The following MGMT variants were observed in gnomAD, a reference collection of about 807,000 sequenced individuals.
MGMT encodes methylated-DNA--protein-cysteine methyltransferase.
MGMT carries 14 observed loss-of-function variants against 15.9 expected under a neutral mutation model. That is an observed-to-expected ratio of 0.88 (90% CI 0.58 to 1.37). The LOEUF is 1.37. Among genes scored for constraint, MGMT ranks in the 40% most tolerant of loss-of-function variants. The pLI is 0.00. For synonymous variants in MGMT, 130 were observed against 118.2 expected (o/e 1.10, Z -0.65); for missense variants, 282 against 268.1 (o/e 1.05, Z -0.36).
In MGMT at chr10:129,670,468, G is replaced by A. The variant is rs142362142; in HGVS notation, c.126-37427G>A. On this transcript the variant is annotated intron_variant, in intron 2 of 4. Coordinates refer to ENST00000651593, the MANE Select transcript of MGMT (RefSeq NM_002412.5). Reference sequence around the variant, plus strand: ...AGCTTTCAAAATAAGAAACCACAAAGAAGAGAAAATTGAAACATAGACCTA... The same window carrying A: ...AGCTTTCAAAATAAGAAACCACAAAAAAGAGAAAATTGAAACATAGACCTA... Among the ~76,000 whole-genome samples the A allele has an allele frequency of 7.2e-5, 11 of 152,062 alleles. No individual in the cohort carries two copies. In the East Asian group the frequency reaches 1.9e-3, roughly 27 times the overall value.
intron 2 of MGMT, among the ~76,000 whole-genome samples, chr10:129,589,671 G>A (rs1050943512): frequency 6.6e-6 from 1 of 152,222 alleles, no homozygotes; most frequent in Non-Finnish European, 1.5e-5. Flanking sequence ...GGCCTGCGGC[G>A]GGGCTGCTTA....
At position 129,556,201 on chromosome 10, in the gene MGMT, T is replaced by A. The variant is rs1846211375; in HGVS notation, c.125+19824T>A. Among the ~76,000 whole-genome samples the A allele has an allele frequency of 6.6e-6, 1 of 152,132 alleles. No homozygotes were observed. Among genetic ancestry groups the A allele is most frequent in the Non-Finnish European group, 1.5e-5 (1 of 68,028 alleles). ...AGTGCTTTCGGGATCGCTCTGTTGG[T>A]CTCTGTGTAGCACGTGGCCCCCAAA... On this transcript the variant is annotated intron_variant, in intron 2 of 4. Transcript: ENST00000651593. The surrounding 1 kb of genome is among the most constrained non-coding windows in gnomAD (Gnocchi z 4.3).
chr10:129,510,866 G>T (rs919579977), intron 1 of MGMT, among the ~76,000 whole-genome samples: 1 of 133,530 alleles, frequency 7.5e-6, no homozygotes, highest in Non-Finnish European at 1.6e-5. Flanking sequence ...CCCATATATC[G>T]GATGCAGCCA....
chr10:129,760,236 A>G (rs998493100), intron 4 of MGMT, among the ~76,000 whole-genome samples: 1 of 152,212 alleles, frequency 6.6e-6, no homozygotes, highest in African/African-American at 2.4e-5. Flanking sequence ...CGCCCGGCCA[A>G]GGCCACACGT....
At chr10:129,591,606 G>A (rs988305885) in intron 2 of MGMT, among the ~76,000 whole-genome samples, 4 of 152,298 alleles carry the variant, frequency 2.6e-5, no homozygotes, top group East Asian at 1.9e-4. Flanking sequence ...ACCACCACGC[G>A]TTTGCAGGTG....
intron 2 of MGMT, among the ~76,000 whole-genome samples, chr10:129,688,917 GT>G (rs1847940200): frequency 6.6e-6 from 1 of 151,684 alleles, no homozygotes; most frequent in Non-Finnish European, 1.5e-5. Context: ...TGGGTTTTCT[GT>G]TTATGGGTTT....
intron 2 of MGMT, among the ~76,000 whole-genome samples, chr10:129,671,776 G>A (rs117476728): frequency 0.013 from 1,964 of 152,278 alleles, 17 homozygotes; most frequent in Middle Eastern, 0.027. Context: ...TGCCGAACAC[G>A]TGAAGTTCTG....
chr10:129,746,252 A>AC (rs1256562813), intron 3 of MGMT, among the ~76,000 whole-genome samples: 17 of 148,770 alleles, frequency 1.1e-4, no homozygotes, highest in Middle Eastern at 3.5e-3. Flanking sequence ...AAAAAAAAAA[A>AC]AAACAAACAA....
chr10:129,548,745 G>T (rs1441530502), intron 2 of MGMT, among the ~76,000 whole-genome samples: 1 of 152,144 alleles, frequency 6.6e-6, no homozygotes, highest in Non-Finnish European at 1.5e-5. Context: ...AGCTTTCGGG[G>T]GGGTGCTGGG....
rs570028169 is a variant in MGMT, at chr10:129,645,950, G to A, written c.126-61945G>A. On this transcript the variant is annotated intron_variant, in intron 2 of 4. Coordinates refer to ENST00000651593, the MANE Select transcript of MGMT (RefSeq NM_002412.5). ...CCAGCAGACCACTGCAGAAGGCAAC[G>A]CTGGCCTCCTAGAGGTGTGGCTTGT... 3.3e-5 allele frequency among the ~76,000 whole-genome samples: 5 copies of A among 152,316 alleles called. No individual in the cohort carries two copies. The South Asian group carries it at 8.3e-4, about 25-fold the overall frequency.
intron 3 of MGMT, among the ~76,000 whole-genome samples, chr10:129,749,334 C>A (rs1848728644): frequency 6.6e-6 from 1 of 152,194 alleles, no homozygotes; most frequent in South Asian, 2.1e-4. Context: ...TATCTTTTTT[C>A]TGTCTATATA....
At chr10:129,470,764 A>G (rs1334002954) in intron 1 of MGMT, among the ~76,000 whole-genome samples, 1 of 152,218 alleles carries the variant, frequency 6.6e-6, no homozygotes, top group Admixed American at 6.5e-5. Flanking sequence ...AGTTGTTTTC[A>G]GTTAAATCAG....
chr10:129,504,096 T>A (rs1049611398), intron 1 of MGMT, among the ~76,000 whole-genome samples: 3 of 152,204 alleles, frequency 2.0e-5, no homozygotes, highest in Non-Finnish European at 1.5e-5. Context: ...CATGTACTAT[T>A]TAAATGAAAC....
chr10:129,503,565 C>G (rs1416235110), intron 1 of MGMT, among the ~76,000 whole-genome samples: 1 of 152,136 alleles, frequency 6.6e-6, no homozygotes, highest in Admixed American at 6.5e-5. Context: ...ATGTGATACT[C>G]TTTGAAATTT....
At chr10:129,507,374 G>A (rs908587646) in intron 1 of MGMT, among the ~76,000 whole-genome samples, 2 of 152,170 alleles carry the variant, frequency 1.3e-5, no homozygotes, top group East Asian at 1.9e-4. Flanking sequence ...CTTGTCTGGT[G>A]GCACACAGAC....
intron 2 of MGMT, among the ~76,000 whole-genome samples, chr10:129,580,188 G>A (rs1414531794): frequency 1.3e-5 from 2 of 152,202 alleles, no homozygotes; most frequent in African/African-American, 4.8e-5. Context: ...CGGGCAGGTG[G>A]CATCGTGGGA....
intron 2 of MGMT, among the ~76,000 whole-genome samples, chr10:129,550,198 C>T (rs991884968): frequency 1.3e-5 from 2 of 152,146 alleles, no homozygotes; most frequent in African/African-American, 2.4e-5. Context: ...AGTGCAGCAA[C>T]TTTAGGGGGT....
At chr10:129,578,400 G>A (rs895282029) in intron 2 of MGMT, among the ~76,000 whole-genome samples, 2 of 152,090 alleles carry the variant, frequency 1.3e-5, no homozygotes, top group African/African-American at 4.8e-5. Context: ...GGATGAAGCT[G>A]GAAACCATCA....
At position 129,759,209 on chromosome 10, in the gene MGMT, C is replaced by T; in HGVS notation, c.282C>T (p.Phe94=). The T allele has an allele frequency of 6.2e-7, 1 of 1,614,156 alleles. No individual in the cohort carries two copies. ...CTGCATTCTTCCTTTCAGAGTCGTT[C>T]ACCAGACAGGTGTTATGGAAGCTGC... ...LHHPVFQQES[F]TRQVLWKLLK... is the part of the protein sequence containing the mutation. The change falls in exon 4 of 5, where the codon TTC becomes TTT. Residue 94 remains phenylalanine (F), a synonymous_variant. Transcript: ENST00000651593.
Sources: gnomAD v4.1 joint callset for allele counts (sites outside exome capture counted in the v4.1 genomes callset) on GRCh38, gnomAD v4.1.1 for gene constraint, Gnocchi (gnomAD v3.1) non-coding constraint, MANE v1.5 for transcripts, NCBI Gene and HGNC (gene_info 2026-07-23, HGNC 2026-07-21) for gene names.